Variants in TENM3 observed in about 807,000 individuals in gnomAD.
TENM3 encodes teneurin transmembrane protein 3.
TENM3 carries 63 observed loss-of-function variants against 255.1 expected under a neutral mutation model. The observed-to-expected ratio is 0.25, with a 90% confidence interval of 0.20 to 0.30. The LOEUF is 0.30. Among genes scored for constraint, TENM3 ranks in the 10% least tolerant of loss-of-function variants. TENM3 has a pLI of 1.00. For synonymous variants in TENM3, 1,306 were observed against 1,322.3 expected, an observed-to-expected ratio of 0.99 and a Z score of 0.27; for missense variants, 2,929 against 3,461.1, an observed-to-expected ratio of 0.85 and a Z score of 3.86.
chr4:182,220,906 G>A (rs1005556845), intron 1 of TENM3, among the ~76,000 whole-genome samples: 8 of 152,186 alleles, frequency 5.3e-5, no homozygotes, highest in African/African-American at 1.7e-4. Context: ...ATTATTGTAA[G>A]TGTTATTTAG....
chr4:182,671,885 T>C (rs536265158), intron 6 of TENM3, among the ~76,000 whole-genome samples: 1 of 152,250 alleles, frequency 6.6e-6, no homozygotes, highest in East Asian at 1.9e-4. Context: ...AACTTTGTTA[T>C]CAGTTTTTTT....
At chr4:182,453,178 G>A (rs1282751007) in intron 3 of TENM3, among the ~76,000 whole-genome samples, 10 of 152,044 alleles carry the variant, frequency 6.6e-5, no homozygotes, top group Non-Finnish European at 1.5e-4. Flanking sequence ...TTTAAGTTTT[G>A]AAATGTCTAC....
intron 1 of TENM3, among the ~76,000 whole-genome samples, chr4:182,291,291 G>C (rs1761108391): frequency 6.6e-6 from 1 of 152,124 alleles, no homozygotes; most frequent in Non-Finnish European, 1.5e-5. Flanking sequence ...ATTTGTCCCT[G>C]ACCCCAGGTT....
intron 3 of TENM3, among the ~76,000 whole-genome samples, chr4:182,463,899 G>C (rs1309314943): frequency 6.6e-6 from 1 of 152,042 alleles, no homozygotes; most frequent in African/African-American, 2.4e-5. Flanking sequence ...TGAGATTACA[G>C]GTGTGAGCCA....
the TENM3 span, among the ~76,000 whole-genome samples, chr4:181,837,291 G>A: frequency 6.6e-6 from 1 of 152,094 alleles, no homozygotes; most frequent in Non-Finnish European, 1.5e-5. Flanking sequence ...CACTCTTAGA[G>A]TGATCTCAGA....
chr4:181,880,922 T>C, the TENM3 span, among the ~76,000 whole-genome samples: 13 of 152,198 alleles, frequency 8.5e-5, no homozygotes, highest in African/African-American at 2.7e-4. Flanking sequence ...AGATCAGTTC[T>C]TCTGTTCCTG....
intron 3 of TENM3, among the ~76,000 whole-genome samples, chr4:182,456,338 G>T (rs1344487898): frequency 6.6e-6 from 1 of 152,180 alleles, no homozygotes; most frequent in Non-Finnish European, 1.5e-5. Context: ...GAAAGGTTCT[G>T]AGTAAAGACT....
intron 11 of TENM3, among the ~76,000 whole-genome samples, chr4:182,684,983 G>T (rs1161893380): frequency 6.6e-6 from 1 of 152,116 alleles, no homozygotes; most frequent in East Asian, 1.9e-4. Context: ...GCTGCCCTAT[G>T]AGTCAGTATC....
the TENM3 span, among the ~76,000 whole-genome samples, chr4:182,104,962 A>C: frequency 6.6e-6 from 1 of 152,166 alleles, no homozygotes; most frequent in Admixed American, 6.5e-5. Context: ...CTGTAATCCC[A>C]GCACTTCGGA....
At chr4:181,844,383 C>T in the TENM3 span, among the ~76,000 whole-genome samples, 3 of 152,030 alleles carry the variant, frequency 2.0e-5, no homozygotes, top group African/African-American at 7.2e-5. Context: ...ATTTATTTCT[C>T]CTTATAAAGT....
At chr4:181,852,581 C>T in the TENM3 span, among the ~76,000 whole-genome samples, 3 of 152,160 alleles carry the variant, frequency 2.0e-5, no homozygotes, top group Non-Finnish European at 4.4e-5. Context: ...TAATACATAG[C>T]CTTCTCTATA....
chr4:182,097,068 G>A, the TENM3 span, among the ~76,000 whole-genome samples: 1 of 152,052 alleles, frequency 6.6e-6, no homozygotes, highest in African/African-American at 2.4e-5. Context: ...TGGGAGAGGG[G>A]GTTTGCGATT....
At chr4:182,289,032 C>A (rs1390114463) in intron 1 of TENM3, among the ~76,000 whole-genome samples, 1 of 151,854 alleles carries the variant, frequency 6.6e-6, no homozygotes, top group Non-Finnish European at 1.5e-5. Flanking sequence ...GGAGACTAGC[C>A]TGGGCAACAC....
intron 3 of TENM3, among the ~76,000 whole-genome samples, chr4:182,474,530 C>T (rs751475925): frequency 1.3e-5 from 2 of 152,132 alleles, no homozygotes; most frequent in Admixed American, 6.5e-5. Flanking sequence ...CTTCACACCC[C>T]GTTTCCAGAC....
chr4:181,813,471 G>C, the TENM3 span, among the ~76,000 whole-genome samples: 4 of 152,340 alleles, frequency 2.6e-5, 1 homozygote, highest in South Asian at 8.3e-4. Context: ...GTTTGAGGAA[G>C]AGAAAGGCAG....
intron 3 of TENM3, among the ~76,000 whole-genome samples, chr4:182,596,320 G>A (rs1418564081): frequency 6.6e-6 from 1 of 152,146 alleles, no homozygotes; most frequent in African/African-American, 2.4e-5. Flanking sequence ...TTGAGTGTCT[G>A]CCCTTGTGAG....
intron 1 of TENM3, among the ~76,000 whole-genome samples, chr4:182,161,656 C>CATATATATGTGTATATAT: frequency 2.6e-5 from 2 of 75,830 alleles, no homozygotes; most frequent in Non-Finnish European, 4.9e-5. Flanking sequence ...TATATATACA[C>CATATATATGTGTATATAT]ACACACAAAT....
At chr4:182,590,825 G>A (rs1338414701) in intron 3 of TENM3, among the ~76,000 whole-genome samples, 1 of 150,178 alleles carries the variant, frequency 6.7e-6, no homozygotes, top group East Asian at 2.0e-4. Context: ...CTCCAGCCTG[G>A]AGACAGAGCG....
At chr4:181,878,288 G>A in the TENM3 span, among the ~76,000 whole-genome samples, 1 of 151,568 alleles carries the variant, frequency 6.6e-6, no homozygotes, top group African/African-American at 2.4e-5. Flanking sequence ...GTATAATTAG[G>A]TTGATAGAAA....
Sources: gnomAD v4.1 joint callset for allele counts (sites outside exome capture counted in the v4.1 genomes callset) on GRCh38, gnomAD v4.1.1 for gene constraint, MANE v1.5 for transcripts, NCBI Gene and HGNC (gene_info 2026-07-23, HGNC 2026-07-21) for gene names.